Variants in CACNA1C observed in about 807,000 individuals in gnomAD.
CACNA1C encodes voltage-dependent L-type calcium channel subunit alpha-1C.
In CACNA1C, 30 loss-of-function variants were observed where a neutral mutation model predicts 229.0. That is an observed-to-expected ratio of 0.13 (90% CI 0.10 to 0.18). The LOEUF (loss-of-function observed/expected upper bound fraction) is 0.18. Ranked by LOEUF, CACNA1C falls within the 10% of genes least tolerant of loss-of-function variation. The pLI, the probability that CACNA1C is intolerant of heterozygous loss-of-function variation, is 1.00. For missense variants in CACNA1C, 1,658 were observed against 2,845.0 expected (o/e 0.58, Z 9.49); for synonymous variants, 1,114 against 1,132.5 (o/e 0.98, Z 0.33).
At chr12:2,592,525 C>T (rs1287967469) in intron 18 of CACNA1C, among the ~76,000 whole-genome samples, 1 of 152,156 alleles carries the variant, frequency 6.6e-6, no homozygotes, top group Non-Finnish European at 1.5e-5. Flanking sequence ...CAGTGCTTCC[C>T]GTCATGAGCG....
chr12:2,139,263 C>A (rs767399972), intron 3 of CACNA1C, among the ~76,000 whole-genome samples: 3 of 150,964 alleles, frequency 2.0e-5, no homozygotes, highest in Non-Finnish European at 4.4e-5. Context: ...CTTCACATGG[C>A]GCGCTCCCCT....
chr12:1,999,118 C>A (rs1215339768), intron 1 of CACNA1C, among the ~76,000 whole-genome samples: 1 of 152,200 alleles, frequency 6.6e-6, no homozygotes, highest in Non-Finnish European at 1.5e-5. Context: ...GAAATGCAAG[C>A]TCTTGGGCTC....
intron 3 of CACNA1C, among the ~76,000 whole-genome samples, chr12:2,408,687 G>A (rs1323863600): frequency 3.3e-5 from 5 of 151,984 alleles, no homozygotes; most frequent in Admixed American, 6.6e-5. Flanking sequence ...GGAAAGATGT[G>A]TCTACTCCAT....
intron 3 of CACNA1C, among the ~76,000 whole-genome samples, chr12:2,254,688 C>T (rs1298480416): frequency 6.6e-6 from 1 of 152,134 alleles, no homozygotes; most frequent in South Asian, 2.1e-4. Flanking sequence ...TCAAACTACT[C>T]CATTGTGAGA....
At chr12:2,081,401 T>A (rs2065548026) in intron 1 of CACNA1C, among the ~76,000 whole-genome samples, 1 of 152,074 alleles carries the variant, frequency 6.6e-6, no homozygotes, top group Non-Finnish European at 1.5e-5. Context: ...AAACCCCGTC[T>A]CTACTAAAAA....
chr12:2,623,478 G>A (rs2084507236), intron 29 of CACNA1C, among the ~76,000 whole-genome samples: 1 of 152,070 alleles, frequency 6.6e-6, no homozygotes, highest in Non-Finnish European at 1.5e-5. Context: ...CACCTCTAGT[G>A]CTGCATCCTT....
chr12:2,065,451 A>G (rs1473784319), intron 1 of CACNA1C, among the ~76,000 whole-genome samples: 1 of 152,218 alleles, frequency 6.6e-6, no homozygotes, highest in African/African-American at 2.4e-5. Flanking sequence ...CATTAACAAA[A>G]AGTTATTGAG....
At chr12:2,658,059 C>A (rs969736790) in intron 34 of CACNA1C, among the ~76,000 whole-genome samples, 1 of 151,376 alleles carries the variant, frequency 6.6e-6, no homozygotes, top group South Asian at 2.1e-4. Flanking sequence ...ACCAAATAGA[C>A]CAAAATAGAA....
At chr12:2,550,088 A>G in intron 10 of CACNA1C, 55 bp downstream of exon 10, 1 of 1,203,968 alleles carries the variant, frequency 8.3e-7, no homozygotes, top group South Asian at 1.3e-5. Context: ...CATGGGTGGA[A>G]AAGCTGCATC....
chr12:2,593,388 G>A, intron 19 of CACNA1C, 43 bp downstream of exon 19: 3 of 1,605,942 alleles, frequency 1.9e-6, no homozygotes, highest in Non-Finnish European at 2.6e-6. Flanking sequence ...GCTCTCTCTA[G>A]TACCAGCCTG....
intron 8 of CACNA1C, 109 bp downstream of exon 8, chr12:2,505,054 G>T (rs1445963085): frequency 1.3e-5 from 9 of 680,152 alleles, no homozygotes; most frequent in Non-Finnish European, 2.1e-5. Context: ...CTGGGATAAG[G>T]GGTCACCACA....
At chr12:2,670,196 A>T (rs2096482704) in intron 38 of CACNA1C, among the ~76,000 whole-genome samples, 3 of 152,286 alleles carry the variant, frequency 2.0e-5, no homozygotes, top group South Asian at 2.1e-4. Context: ...GTAATTACAG[A>T]AAACACAGAT....
At chr12:2,262,348 TAGCCACCTATTAAAC>T (rs1282024724) in intron 3 of CACNA1C, among the ~76,000 whole-genome samples, 1 of 152,252 alleles carries the variant, frequency 6.6e-6, no homozygotes, top group East Asian at 1.9e-4. Flanking sequence ...CCTATTCACT[TAGCCACCTATTAAAC>T]ACCTGGTGTG....
rs542048656 is a variant in CACNA1C at position 2,289,352 on chromosome 12, T to G, written c.478-159624T>G. On this transcript the variant is annotated intron_variant, in intron 3 of 46. Coordinates refer to ENST00000399655, the MANE Select transcript of CACNA1C (RefSeq NM_000719.7). ...TTTCCTTCACTGCCTGGGGAGGGGG[T>G]GGATGGAGGAGGGAAACTAGCCACC... Among the ~76,000 whole-genome samples, 6 of 150,226 alleles carry G rather than the reference T, an allele frequency of 4.0e-5. No homozygotes were observed. The South Asian group carries it at 1.3e-3, about 32-fold the overall frequency.
intron 3 of CACNA1C, among the ~76,000 whole-genome samples, chr12:2,391,006 C>G (rs1482998593): frequency 2.2e-4 from 33 of 152,152 alleles, no homozygotes; most frequent in Non-Finnish European, 2.9e-5. Flanking sequence ...TGAACCAAGG[C>G]AGGGTCAGAG....
intron 3 of CACNA1C, among the ~76,000 whole-genome samples, chr12:2,257,797 C>T (rs1018862937): frequency 6.6e-6 from 1 of 152,260 alleles, no homozygotes; most frequent in Non-Finnish European, 1.5e-5. Context: ...TCTTTTCTAA[C>T]TGTTAGAACT....
intron 3 of CACNA1C, among the ~76,000 whole-genome samples, chr12:2,200,936 A>C (rs1181712267): frequency 1.3e-5 from 2 of 152,228 alleles, no homozygotes; most frequent in Non-Finnish European, 2.9e-5. Flanking sequence ...CTGGGGCTTG[A>C]ATGTGCTTTT....
intron 3 of CACNA1C, among the ~76,000 whole-genome samples, chr12:2,217,254 AG>A (rs1243265917): frequency 3.2e-4 from 48 of 152,300 alleles, no homozygotes; most frequent in Admixed American, 1.7e-3. Flanking sequence ...GGGCTGGTGC[AG>A]GGGGAAGTGC....
chr12:2,441,649 G>A (rs571166102), intron 3 of CACNA1C, among the ~76,000 whole-genome samples: 56 of 152,304 alleles, frequency 3.7e-4, no homozygotes, highest in African/African-American at 1.3e-3. Context: ...TACCGCTTTG[G>A]AAGTGGTATT....
Sources: allele counts gnomAD v4.1 joint callset (sites outside exome capture counted in the v4.1 genomes callset), GRCh38; gene constraint gnomAD v4.1.1; transcripts MANE v1.5; gene names NCBI Gene and HGNC (gene_info 2026-07-23, HGNC 2026-07-21).